SIPA1L2: variants seen among roughly 807,000 people sequenced by gnomAD.
SIPA1L2 encodes signal-induced proliferation-associated 1-like protein 2.
Under a neutral mutation model 163.9 loss-of-function variants are expected in SIPA1L2, and 56 were observed. That is an observed-to-expected ratio of 0.34 (90% CI 0.28 to 0.43). The LOEUF is 0.43. SIPA1L2 is among the 20% of genes least tolerant of loss of function. The pLI is 1.00. For missense variants in SIPA1L2, 1,974 were observed against 2,193.5 expected (o/e 0.90, Z 2.00); for synonymous variants, 877 against 865.7 (o/e 1.01, Z -0.23).
At chr1:232,450,896 T>C (rs921915170) in intron 10 of SIPA1L2, among the ~76,000 whole-genome samples, 14 of 152,164 alleles carry the variant, frequency 9.2e-5, no homozygotes, top group African/African-American at 1.2e-4. Context: ...ATCCATTAAG[T>C]TGAAGAGAGA....
At chr1:232,482,945 G>A (rs1424530008) in intron 6 of SIPA1L2, among the ~76,000 whole-genome samples, 2 of 152,106 alleles carry the variant, frequency 1.3e-5, no homozygotes, top group African/African-American at 2.4e-5. Context: ...ATCTCTTTTC[G>A]TTCAAAGAGC....
intron 15 of SIPA1L2, 107 bp from the exon 16 acceptor site, chr1:232,432,578 C>G: frequency 9.7e-7 from 1 of 1,033,042 alleles, no homozygotes; most frequent in East Asian, 2.6e-5. Flanking sequence ...TCTCCGAGAG[C>G]AAAATCGGGC....
At chr1:232,476,628 C>T (rs933288492) in intron 7 of SIPA1L2, among the ~76,000 whole-genome samples, 2 of 152,110 alleles carry the variant, frequency 1.3e-5, no homozygotes, top group Admixed American at 1.3e-4. Flanking sequence ...ACTTGCAGGA[C>T]TTAACTTTTG....
At chr1:232,561,972 C>T (rs951508248) in intron 2 of SIPA1L2, among the ~76,000 whole-genome samples, 1 of 152,190 alleles carries the variant, frequency 6.6e-6, no homozygotes, top group Non-Finnish European at 1.5e-5. Flanking sequence ...AAGCCAACCA[C>T]CTGATGGGTC....
intron 3 of SIPA1L2, among the ~76,000 whole-genome samples, chr1:232,503,041 C>A (rs986015272): frequency 6.6e-6 from 1 of 152,180 alleles, no homozygotes; most frequent in African/African-American, 2.4e-5. Context: ...CAAGGCTTCC[C>A]AGGGTTGTGT....
chr1:232,560,042 T>G (rs972478715), intron 2 of SIPA1L2, among the ~76,000 whole-genome samples: 27 of 152,204 alleles, frequency 1.8e-4, no homozygotes, highest in African/African-American at 6.0e-4. Context: ...TAATCTGCTC[T>G]CTCTCTCACA....
chr1:232,569,501 C>CAGTCTGAG (rs1659594166), intron 2 of SIPA1L2, among the ~76,000 whole-genome samples: 1 of 152,140 alleles, frequency 6.6e-6, no homozygotes, highest in South Asian at 2.1e-4. Context: ...ATGAGAAACT[C>CAGTCTGAG]AGTCTGAGAA....
chr1:232,483,846 G>T lies in SIPA1L2; in HGVS notation c.1927C>A (p.Gln643Lys). 1 of 1,613,996 alleles carries T rather than the reference G, an allele frequency of 6.2e-7. No individual in the cohort carries two copies. The highest frequency in any genetic ancestry group is 8.5e-7 in the Non-Finnish European group (1 of 1,179,952). ...CTAAATCCTTTCAGTCGGACTCTCT[G>T]GCCCAGAAGATCAAGGAATTCTTCA... ...AFEEFLDLLG[Q>K]RVRLKGFSKY... Residue 643 changes from glutamine to lysine, a missense_variant, in exon 6 of 23, where the codon CAG becomes AAG. Coordinates refer to ENST00000674635, the MANE Select transcript of SIPA1L2 (RefSeq NM_020808.5).
chr1:232,485,697 A>G, intron 5 of SIPA1L2, among the ~76,000 whole-genome samples: 1 of 152,238 alleles, frequency 6.6e-6, no homozygotes, highest in East Asian at 1.9e-4. Flanking sequence ...GTTGGAATCT[A>G]TATGAATACT....
intron 1 of SIPA1L2, among the ~76,000 whole-genome samples, chr1:232,595,352 C>T (rs1462719967): frequency 1.3e-5 from 2 of 152,110 alleles, no homozygotes; most frequent in African/African-American, 2.4e-5. Flanking sequence ...TTAAATTAAG[C>T]CATAAAAGAG....
chr1:232,435,787 G>A (rs1662526735), intron 15 of SIPA1L2, among the ~76,000 whole-genome samples: 1 of 152,218 alleles, frequency 6.6e-6, no homozygotes, highest in Non-Finnish European at 1.5e-5. Flanking sequence ...GGAGAAAGCA[G>A]GCTAGATATA....
rs1488803676 is a variant in SIPA1L2, at chr1:232,514,049, A to T, written c.1291T>A (p.Ser431Thr). The change falls in exon 3 of 23, where the codon TCA (serine) becomes ACA (threonine). Residue 431 changes from serine (S) to threonine (T), a missense_variant. Physicochemically the swap from Ser to Thr is moderately conservative, Grantham distance 58 (BLOSUM62 1). Around this residue, in one of 3 missense-constraint regions of SIPA1L2, gnomAD observed 607 missense variants for 624.0 expected, o/e 0.97. Transcript: ENST00000674635. Reference sequence around the variant, plus strand: ...CTTTCCCCAGAACTGAAAGAGGATGAGTTGGCTCGAGAGAGCGCAATCCGC... The same window carrying T: ...CTTTCCCCAGAACTGAAAGAGGATGTGTTGGCTCGAGAGAGCGCAATCCGC... ...DRRIALSRAN[S>T]SSFSSGESCS... is the part of the protein sequence containing the mutation. 1 of 1,614,218 alleles carries T rather than the reference A, an allele frequency of 6.2e-7. No individual in the cohort carries two copies. Among genetic ancestry groups the T allele is most frequent in the South Asian group, 1.1e-5 (1 of 91,086 alleles).
intron 1 of SIPA1L2, among the ~76,000 whole-genome samples, chr1:232,605,850 T>C (rs915300752): frequency 2.6e-5 from 4 of 152,294 alleles, no homozygotes; most frequent in African/African-American, 7.2e-5. Flanking sequence ...AACAATATGA[T>C]AGGACTTCTT....
chr1:232,415,576 T>C lies in SIPA1L2; in HGVS notation c.4680A>G (p.Ala1560=). Reference sequence around the variant, plus strand: ...CCGGGAGGGGCATCAGGCCAGGATCTGCGCACTTGGACTTATCTGATAAGG... The same window carrying C: ...CCGGGAGGGGCATCAGGCCAGGATCCGCGCACTTGGACTTATCTGATAAGG... ...DGSLSDKSKC[A]DPGLMPLPDT... Residue 1560 remains alanine (A), a synonymous_variant, in exon 19 of 23, where the codon GCA becomes GCG. Transcript: ENST00000674635. The C allele has an allele frequency of 6.2e-7, 1 of 1,614,012 alleles. No individual in the cohort carries two copies. Among genetic ancestry groups the C allele is most frequent in the East Asian group, 2.2e-5 (1 of 44,868 alleles).
intron 1 of SIPA1L2, among the ~76,000 whole-genome samples, 70 bp downstream of exon 1, chr1:232,629,799 G>A (rs1246378594): frequency 6.6e-6 from 1 of 151,910 alleles, no homozygotes; most frequent in Non-Finnish European, 1.5e-5. Context: ...CTTCGGGACA[G>A]TCCCCGCCTG....
At chr1:232,616,233 G>A (rs766150562) in intron 1 of SIPA1L2, among the ~76,000 whole-genome samples, 9 of 152,162 alleles carry the variant, frequency 5.9e-5, no homozygotes, top group Non-Finnish European at 1.3e-4. Context: ...AACTAGGGAA[G>A]CCCCCAACAC....
At position 232,514,058 on chromosome 1, in the gene SIPA1L2, G is replaced by C. The variant is rs756324664; in HGVS notation, c.1282C>G (p.Arg428Gly). ...GAACTGAAAGAGGATGAGTTGGCTC[G>C]AGAGAGCGCAATCCGCCTGTCGCCT... The part of the protein sequence containing the change: ...GEGDRRIALS[R>G]ANSSSFSSGE... Residue 428 changes from arginine (R) to glycine (G), a missense_variant, in exon 3 of 23, where the codon CGA (arginine) becomes GGA (glycine). Transcript: ENST00000674635. The C allele has an allele frequency of 3.1e-5, 50 of 1,614,182 alleles. No homozygotes were observed. The highest frequency in any genetic ancestry group is 4.0e-5 in the Non-Finnish European group (47 of 1,180,030).
At chr1:232,527,227 G>C (rs1667751011) in intron 2 of SIPA1L2, among the ~76,000 whole-genome samples, 1 of 152,204 alleles carries the variant, frequency 6.6e-6, no homozygotes, top group Non-Finnish European at 1.5e-5. Flanking sequence ...AAGAGGACAG[G>C]AGCAGAAAGG....
At chr1:232,419,170 T>A (rs976436317) in intron 18 of SIPA1L2, among the ~76,000 whole-genome samples, 1 of 152,126 alleles carries the variant, frequency 6.6e-6, no homozygotes, top group African/African-American at 2.4e-5. Flanking sequence ...ATGAAGAGCA[T>A]AGTTTAGGAA....
Sources: gnomAD v4.1 joint callset for allele counts (sites outside exome capture counted in the v4.1 genomes callset) on GRCh38, gnomAD v4.1.1 for gene constraint, gnomAD v4.1.1 regional missense constraint, MANE v1.5 for transcripts, NCBI Gene and HGNC (gene_info 2026-07-23, HGNC 2026-07-21) for gene names.